Variants in ST18 observed in about 807,000 individuals in gnomAD.
ST18 encodes the protein suppression of tumorigenicity 18 protein.
ST18 carries 50 observed loss-of-function variants against 110.0 expected under a neutral mutation model. The observed-to-expected ratio is 0.45, with a 90% CI of 0.36 to 0.58. ST18 has a LOEUF of 0.58. ST18 is among the 20% of genes least tolerant of loss of function. The pLI, the probability that ST18 is intolerant of heterozygous loss-of-function variation, is 0.00. For synonymous variants in ST18, 461 were observed against 452.4 expected (o/e 1.02, Z -0.24); for missense variants, 1,306 against 1,280.1 (o/e 1.02, Z -0.31).
chr8:52,394,924 G>A (rs74820695), intron 2 of ST18, among the ~76,000 whole-genome samples: 637 of 152,306 alleles, frequency 4.2e-3, no homozygotes, highest in Non-Finnish European at 7.7e-3. Context: ...GAAGGGGAAA[G>A]AAACTACAGA....
intron 2 of ST18, chr8:52,394,021 A>G (rs1206342077): frequency 6.6e-6 from 1 of 152,298 alleles, no homozygotes; most frequent in Admixed American, 6.5e-5. Flanking sequence ...GCTACTGCCA[A>G]GATCATCTAA....
At chr8:52,224,997 C>T (rs2136564821) in intron 3 of ST18, among the ~76,000 whole-genome samples, 1 of 152,276 alleles carries the variant, frequency 6.6e-6, no homozygotes, top group East Asian at 1.9e-4. Context: ...CAGAAAAATG[C>T]AATTTTTGCT....
chr8:52,262,722 T>C (rs16917588), intron 2 of ST18, among the ~76,000 whole-genome samples: 4,511 of 152,350 alleles, frequency 0.03, 124 homozygotes, highest in Admixed American at 0.077. Flanking sequence ...TAAGTCTGAA[T>C]TTCTAAGTAC....
At chr8:52,153,002 C>T (rs2132652508) in intron 15 of ST18, among the ~76,000 whole-genome samples, 1 of 152,272 alleles carries the variant, frequency 6.6e-6, no homozygotes, top group Middle Eastern at 3.4e-3. Flanking sequence ...AATGTGTTTT[C>T]TGAAAAAGAA....
At position 52,225,432 on chromosome 8, in the gene ST18, G is replaced by A. The variant is rs541897899; in HGVS notation, c.-418-3639C>T. On this transcript the variant is annotated intron_variant, in intron 3 of 25. Transcript: ENST00000689386. ...ATTTCTGCCTAGATCATGGACCAGC[G>A]AAATGGTTAATGCAAATGGATTTAT... Among the ~76,000 whole-genome samples, 14 of 152,306 alleles carry A rather than the reference G, an allele frequency of 9.2e-5. 1 individual carries two copies. The South Asian group carries it at 2.5e-3, about 27-fold the overall frequency.
intron 2 of ST18, among the ~76,000 whole-genome samples, chr8:52,252,028 A>C (rs1273975417): frequency 6.6e-6 from 1 of 151,998 alleles, no homozygotes; most frequent in Admixed American, 6.6e-5. Flanking sequence ...TATTTTTTTG[A>C]TATGTTTGTT....
intron 2 of ST18, among the ~76,000 whole-genome samples, chr8:52,332,828 G>A (rs1810226175): frequency 6.6e-6 from 1 of 152,012 alleles, no homozygotes; most frequent in Non-Finnish European, 1.5e-5. Context: ...TCCAGCCTGG[G>A]CAACAGAGCA....
intron 5 of ST18, among the ~76,000 whole-genome samples, chr8:52,218,986 G>T (rs142990612): frequency 0.011 from 1,739 of 152,186 alleles, 32 homozygotes; most frequent in African/African-American, 0.04. Flanking sequence ...TAAAAAAAAT[G>T]ATGAAGAAAA....
intron 2 of ST18, among the ~76,000 whole-genome samples, chr8:52,231,235 A>G (rs1446308517): frequency 6.6e-6 from 1 of 152,324 alleles, no homozygotes; most frequent in South Asian, 2.1e-4. Context: ...CCCATAATGC[A>G]GACACAGTGT....
intron 2 of ST18, among the ~76,000 whole-genome samples, chr8:52,380,368 C>A (rs1834035538): frequency 1.3e-5 from 2 of 151,898 alleles, no homozygotes; most frequent in Admixed American, 6.6e-5. Context: ...ATGTGTTAAT[C>A]GATTGTTTAT....
At chr8:52,400,613 A>G (rs1842559720) in intron 2 of ST18, among the ~76,000 whole-genome samples, 1 of 151,886 alleles carries the variant, frequency 6.6e-6, no homozygotes, top group Non-Finnish European at 1.5e-5. Context: ...TTTGTGTACC[A>G]TGGGGCTTAC....
chr8:52,276,923 C>T (rs575688485), intron 2 of ST18, among the ~76,000 whole-genome samples: 65 of 152,196 alleles, frequency 4.3e-4, no homozygotes, highest in African/African-American at 1.4e-3. Flanking sequence ...CCCACCACCA[C>T]GCCCAGCTAA....
intron 19 of ST18, among the ~76,000 whole-genome samples, chr8:52,135,313 C>G (rs1586655234): frequency 6.6e-6 from 1 of 151,974 alleles, no homozygotes; most frequent in Admixed American, 6.6e-5. Context: ...ATAATCCCAG[C>G]ACTTTAGGAG....
intron 23 of ST18, among the ~76,000 whole-genome samples, chr8:52,124,197 A>C (rs2046090800): frequency 6.7e-6 from 1 of 149,524 alleles, no homozygotes; most frequent in African/African-American, 2.5e-5. Flanking sequence ...TTTTTTTGAG[A>C]CAGAGTCTCA....
At chr8:52,272,298 T>C (rs1469846857) in intron 2 of ST18, among the ~76,000 whole-genome samples, 2 of 152,150 alleles carry the variant, frequency 1.3e-5, no homozygotes, top group African/African-American at 4.8e-5. Context: ...GCCAAAAATA[T>C]GACAAAGGGT....
At position 52,171,877 on chromosome 8, in the gene ST18, A is replaced by G. The variant is rs752433031; in HGVS notation, c.984T>C (p.Asp328=). 1.2e-6 allele frequency: 2 copies of G among 1,614,162 alleles called. No individual in the cohort carries two copies. Among genetic ancestry groups the G allele is most frequent in the South Asian group, 2.2e-5 (2 of 91,068 alleles). ...CVFHNTYKEL[D]RFLLEHLAGE... is the part of the protein sequence containing the mutation. The stretch of plus-strand genomic sequence containing the variant: ...CTGCTAGGTGCTCCAGCAGGAACCT[A>G]TCCAGCTCTTTGTAGGTGTTATGGA... The change falls in exon 10 of 26, where the codon GAT becomes GAC. Residue 328 remains aspartate (D), a synonymous_variant. Coordinates refer to ENST00000689386, the MANE Select transcript of ST18 (RefSeq NM_001352837.2).
chr8:52,241,426 C>T (rs1259734438), intron 2 of ST18, among the ~76,000 whole-genome samples: 1 of 152,212 alleles, frequency 6.6e-6, no homozygotes, highest in Admixed American at 6.5e-5. Context: ...GCCCCACATA[C>T]ATTAAGAAGG....
At chr8:52,360,367 A>G (rs908203414) in intron 2 of ST18, among the ~76,000 whole-genome samples, 4 of 152,128 alleles carry the variant, frequency 2.6e-5, no homozygotes, top group Non-Finnish European at 5.9e-5. Context: ...AGGTCACATA[A>G]TTAAATATAA....
chr8:52,328,855 A>G (rs963204191), intron 2 of ST18, among the ~76,000 whole-genome samples: 2 of 152,120 alleles, frequency 1.3e-5, no homozygotes, highest in African/African-American at 2.4e-5. Context: ...ATAAACGGGA[A>G]GTTTCTGTCT....
Sources: gnomAD v4.1 joint callset for allele counts (sites outside exome capture counted in the v4.1 genomes callset) on GRCh38, gnomAD v4.1.1 for gene constraint, MANE v1.5 for transcripts, NCBI Gene and HGNC (gene_info 2026-07-23, HGNC 2026-07-21) for gene names.